ARMC3: variants seen among roughly 807,000 people sequenced by gnomAD.
ARMC3 encodes armadillo repeat containing 3.
In ARMC3, 74 loss-of-function variants were observed where a neutral mutation model predicts 90.3. That is an observed-to-expected ratio of 0.82 (90% CI 0.68 to 0.99). The LOEUF (loss-of-function observed/expected upper bound fraction) is 0.99. Among genes scored for constraint, ARMC3 ranks in the 50% least tolerant of loss-of-function variants. The pLI is 0.00. For missense variants in ARMC3, 958 were observed against 1,042.8 expected, an observed-to-expected ratio of 0.92 and a Z score of 1.12; for synonymous variants, 334 against 361.8, an observed-to-expected ratio of 0.92 and a Z score of 0.87.
At chr10:23,003,198 T>C (rs753420371) in intron 12 of ARMC3, 48 bp from the exon 13 acceptor site, 4 of 1,555,302 alleles carry the variant, frequency 2.6e-6, no homozygotes, top group African/African-American at 1.4e-5. Context: ...AGACTCAGTA[T>C]TGGATGGCTT....
At chr10:23,018,400 A>G (rs954404051) in intron 16 of ARMC3, among the ~76,000 whole-genome samples, 1 of 152,078 alleles carries the variant, frequency 6.6e-6, no homozygotes, top group Non-Finnish European at 1.5e-5. Context: ...GTTTGGCCAT[A>G]GATGGTGCCT....
intron 10 of ARMC3, among the ~76,000 whole-genome samples, chr10:22,987,882 T>G (rs1022834010): frequency 2.6e-5 from 4 of 152,198 alleles, no homozygotes; most frequent in Non-Finnish European, 4.4e-5. Flanking sequence ...AAAAATTAAT[T>G]GATTGATTAC....
chr10:23,013,595 T>C (rs924577536), intron 16 of ARMC3, among the ~76,000 whole-genome samples: 8 of 152,242 alleles, frequency 5.3e-5, no homozygotes, highest in African/African-American at 1.9e-4. Flanking sequence ...CAGAGTTCTC[T>C]TTCATTTTTT....
At chr10:22,944,537 C>T (rs1390411128) in intron 2 of ARMC3, among the ~76,000 whole-genome samples, 2 of 152,024 alleles carry the variant, frequency 1.3e-5, no homozygotes, top group Non-Finnish European at 2.9e-5. Flanking sequence ...TTGTTTCTGC[C>T]ATATGTTTTG....
intron 4 of ARMC3, among the ~76,000 whole-genome samples, chr10:22,958,369 C>T (rs571144597): frequency 6.6e-6 from 1 of 152,258 alleles, no homozygotes; most frequent in South Asian, 2.1e-4. Flanking sequence ...GGTAATCTTA[C>T]TTGCATTCTG....
In ARMC3 at chr10:23,030,758, A is replaced by G. The variant is rs1452086953; in HGVS notation, c.2208A>G (p.Pro736=). The G allele has an allele frequency of 1.9e-6, 3 of 1,613,588 alleles. No individual in the cohort carries two copies. Among genetic ancestry groups the G allele is most frequent in the East Asian group, 4.5e-5 (2 of 44,860 alleles). Residue 736 remains proline (P), a synonymous_variant, in exon 17 of 19, where the codon CCA becomes CCG. Transcript: ENST00000298032. ...YVYEVTKSIL[P]ITNIKEQIED... Reference sequence around the variant, plus strand: ...ATGAGGTGACCAAATCAATACTGCCAATAACCAATATTAAGGAACAGATTG... The same window carrying G: ...ATGAGGTGACCAAATCAATACTGCCGATAACCAATATTAAGGAACAGATTG...
At chr10:22,940,546 G>C (rs1016853376) in intron 2 of ARMC3, among the ~76,000 whole-genome samples, 29 of 152,104 alleles carry the variant, frequency 1.9e-4, no homozygotes, top group African/African-American at 7.0e-4. Flanking sequence ...GAATGCAGTG[G>C]TATGACTGTA....
At chr10:22,954,775 A>T (rs1158295304) in intron 3 of ARMC3, among the ~76,000 whole-genome samples, 1 of 152,088 alleles carries the variant, frequency 6.6e-6, no homozygotes, top group Non-Finnish European at 1.5e-5. Context: ...TATCTTTTGC[A>T]TTGTATTAGT....
At chr10:22,980,115 A>T (rs79328239) in intron 8 of ARMC3, among the ~76,000 whole-genome samples, 2,841 of 152,294 alleles carry the variant, frequency 0.019, 99 homozygotes, top group African/African-American at 0.065. Context: ...ATTTCTGAAA[A>T]AAACAAGTTA....
At chr10:22,996,141 A>G (rs1320291032) in intron 10 of ARMC3, among the ~76,000 whole-genome samples, 1 of 152,206 alleles carries the variant, frequency 6.6e-6, no homozygotes, top group Non-Finnish European at 1.5e-5. Context: ...TTAATTAGAA[A>G]ATATGTATAA....
At chr10:23,003,181 T>A in intron 12 of ARMC3, 65 bp from the exon 13 acceptor site, 1 of 1,450,992 alleles carries the variant, frequency 6.9e-7, no homozygotes, top group Non-Finnish European at 9.3e-7. Context: ...AGTCGGTATA[T>A]AAGTGGAGAC....
At chr10:22,971,649 C>G (rs1835689016) in intron 8 of ARMC3, among the ~76,000 whole-genome samples, 1 of 152,054 alleles carries the variant, frequency 6.6e-6, no homozygotes, top group Non-Finnish European at 1.5e-5. Context: ...CCATGTTAGC[C>G]AAGCTGGTCT....
rs774957560 is a variant in ARMC3, at chr10:22,998,359, G to A, written c.1387G>A (p.Val463Ile). Residue 463 changes from valine to isoleucine, a missense_variant, in exon 11 of 19, where the codon GTC (valine) becomes ATC (isoleucine). Physicochemically the swap from Val to Ile is conservative, Grantham distance 29. Coordinates refer to ENST00000298032, the MANE Select transcript of ARMC3 (RefSeq NM_173081.5). The stretch of plus-strand genomic sequence containing the variant: ...CGTGCAGAGCAAAGCTGCTCTCGCT[G>A]TCACCGCAACTGCGTGTGACGTTGA... ...TVVQSKAALA[V>I]TATACDVEAR... 6.2e-7 allele frequency: 1 copy of A among 1,614,116 alleles called. No individual in the cohort carries two copies. The highest frequency in any genetic ancestry group is 8.5e-7 in the Non-Finnish European group (1 of 1,180,006).
intron 16 of ARMC3, among the ~76,000 whole-genome samples, chr10:23,015,510 C>T (rs1838234011): frequency 6.6e-6 from 1 of 152,202 alleles, no homozygotes; most frequent in Admixed American, 6.5e-5. Context: ...GACCAGTTTT[C>T]ATGAACGTTC....
At chr10:23,033,064 T>C in intron 18 of ARMC3, 41 bp downstream of exon 18, 1 of 1,597,846 alleles carries the variant, frequency 6.3e-7, no homozygotes, top group Non-Finnish European at 8.5e-7. Flanking sequence ...TAAGTAAAAA[T>C]GCTTTGTCTT....
Position 23,032,890 on chromosome 10 carries a change from T to C in ARMC3, c.2276T>C (p.Ile759Thr). The part of the protein sequence containing the change: ...KYVAEKMGGK[I>T]PKEKLPDFSW... ...GTAGCAGAAAAAATGGGTGGTAAGATTCCAAAAGAGAAACTACCTGATTTC... is the reference window on the plus strand; with the variant it reads ...GTAGCAGAAAAAATGGGTGGTAAGACTCCAAAAGAGAAACTACCTGATTTC... The change falls in exon 18 of 19, where the codon ATT (isoleucine) becomes ACT (threonine). Residue 759 changes from isoleucine to threonine, a missense_variant. By Grantham distance (89) the Ile-to-Thr change is moderately conservative (BLOSUM62 -1). Transcript: ENST00000298032. The C allele has an allele frequency of 6.2e-7, 1 of 1,612,568 alleles. No homozygotes were observed. The highest frequency in any genetic ancestry group is 8.5e-7 in the Non-Finnish European group (1 of 1,179,286).
intron 7 of ARMC3, among the ~76,000 whole-genome samples, chr10:22,964,917 C>A (rs1368848894): frequency 6.6e-6 from 1 of 152,000 alleles, no homozygotes; most frequent in Non-Finnish European, 1.5e-5. Context: ...AATACTAGAA[C>A]CTTTTAACAA....
chr10:22,948,765 G>C (rs929622418), intron 3 of ARMC3, among the ~76,000 whole-genome samples: 8 of 152,092 alleles, frequency 5.3e-5, no homozygotes, highest in Admixed American at 2.0e-4. Flanking sequence ...TCTGAGTTAA[G>C]AAGACAAACC....
At chr10:22,954,322 A>C (rs1478300476) in intron 3 of ARMC3, among the ~76,000 whole-genome samples, 1 of 152,132 alleles carries the variant, frequency 6.6e-6, no homozygotes, top group Non-Finnish European at 1.5e-5. Flanking sequence ...ATATCTTTTA[A>C]AAAAATTTTC....
Sources: gnomAD v4.1 joint callset for allele counts (sites outside exome capture counted in the v4.1 genomes callset) on GRCh38, gnomAD v4.1.1 for gene constraint, MANE v1.5 for transcripts, NCBI Gene and HGNC (gene_info 2026-07-23, HGNC 2026-07-21) for gene names.